SULF1: variants seen among roughly 807,000 people sequenced by gnomAD.
SULF1 encodes the protein sulfatase 1.
SULF1 carries 46 observed loss-of-function variants against 110.5 expected under a neutral mutation model. That is an observed-to-expected ratio of 0.42 (90% CI 0.33 to 0.53). The LOEUF (loss-of-function observed/expected upper bound fraction) is 0.53, where lower values mean the gene tolerates loss of function less well. Ranked by LOEUF, SULF1 falls within the 20% of genes least tolerant of loss-of-function variation. The pLI, the probability that SULF1 is intolerant of heterozygous loss-of-function variation, is 0.12. For missense variants in SULF1, 941 were observed against 1,094.2 expected, an observed-to-expected ratio of 0.86 and a Z score of 1.98; for synonymous variants, 371 against 387.1, an observed-to-expected ratio of 0.96 and a Z score of 0.49.
chr8:69,594,075 G>A (rs866685707), intron 8 of SULF1, among the ~76,000 whole-genome samples: 8 of 151,568 alleles, frequency 5.3e-5, no homozygotes, highest in South Asian at 2.1e-4. Flanking sequence ...TTTTGAGATG[G>A]AGTTTCACTC....
chr8:69,644,760 C>CAAAA (rs59189043), intron 22 of SULF1, among the ~76,000 whole-genome samples: 1 of 115,168 alleles, frequency 8.7e-6, no homozygotes, highest in African/African-American at 3.3e-5. Context: ...GACGCCGTCT[C>CAAAA]AAAAAAAAAA....
chr8:69,639,398 TAA>T (rs1036011596), intron 21 of SULF1, among the ~76,000 whole-genome samples: 13 of 152,206 alleles, frequency 8.5e-5, no homozygotes, highest in Non-Finnish European at 1.9e-4. Context: ...TCTAAAAATA[TAA>T]GAGGATCTGA....
chr8:69,640,744 T>C lies in SULF1; in HGVS notation c.2552-64T>C. ...TTTAGATGTTGTGCATGAAAAACTA[T>C]ATAGTGAATGGTTTTATAAGTTCTA... is the stretch of plus-strand genomic sequence containing the variant. On this transcript the variant is annotated intron_variant, in intron 21 of 22. Coordinates refer to ENST00000402687, the MANE Select transcript of SULF1 (RefSeq NM_001128205.2). 4.2e-6 allele frequency: 6 copies of C among 1,426,240 alleles called. No homozygotes were observed. In the South Asian group the frequency reaches 7.6e-5, roughly 18 times the overall value. The allele number at this position is 1,426,240 out of a possible 1,614,324, so 88.3% of individuals were successfully genotyped here.
At chr8:69,608,169 G>C (rs1400234961) in intron 13 of SULF1, among the ~76,000 whole-genome samples, 1 of 152,182 alleles carries the variant, frequency 6.6e-6, no homozygotes, top group Non-Finnish European at 1.5e-5. Context: ...TTCTAGTTGT[G>C]TCTTCTCAAA....
chr8:69,569,067 G>T (rs921111562), intron 5 of SULF1, among the ~76,000 whole-genome samples: 1 of 152,078 alleles, frequency 6.6e-6, no homozygotes, highest in South Asian at 2.1e-4. Context: ...ATGGCCTTTG[G>T]TGCTAGTCTG....
At chr8:69,611,270 A>C (rs1030930980) in intron 13 of SULF1, among the ~76,000 whole-genome samples, 6 of 152,240 alleles carry the variant, frequency 3.9e-5, no homozygotes, top group African/African-American at 7.2e-5. Context: ...GTTGTCAATC[A>C]TTGGCCAAGA....
rs578225312 is a variant in SULF1 at position 69,626,479 on chromosome 8, G to A, written c.1851-731G>A. Among the ~76,000 whole-genome samples, 12 of 152,386 alleles carry A rather than the reference G, an allele frequency of 7.9e-5. No homozygotes were observed. In the East Asian group the frequency reaches 2.3e-3, roughly 29 times the overall value. ...GCCGTCTGCCAGTCCCGCGCCATGC[G>A]CTCGCACTCCTCAGCCCTTGGGTGG... is the stretch of plus-strand genomic sequence containing the variant. On this transcript the variant is annotated intron_variant, in intron 15 of 22. Coordinates refer to ENST00000402687, the MANE Select transcript of SULF1 (RefSeq NM_001128205.2).
Position 69,518,062 on chromosome 8 carries a change from C to T in SULF1, c.-134+16094C>T, listed in dbSNP as rs569502193. Among the ~76,000 whole-genome samples the T allele has an allele frequency of 7.2e-5, 11 of 152,260 alleles. No homozygotes were observed. The South Asian group carries it at 2.1e-3, about 29-fold the overall frequency. ...GGATCTGTGAATTTATATTTTTTAA[C>T]ATATCTGCAAACTTTTAAGTCATTA... On this transcript the variant is annotated intron_variant, in intron 3 of 22. Coordinates refer to ENST00000402687, the MANE Select transcript of SULF1 (RefSeq NM_001128205.2).
In SULF1 at chr8:69,659,084, A is replaced by C. The variant is rs753695084; in HGVS notation, c.*549A>C. 2.1e-4 allele frequency: 98 copies of C among 456,856 alleles called. No homozygotes were observed. The highest frequency in any genetic ancestry group is 4.1e-4 in the Non-Finnish European group (94 of 227,038). The allele number at this position is 456,856 out of a possible 1,614,324, so 28.3% of individuals were successfully genotyped here. ...CCCAGGCTGCAGCCCATTCGCAGGC[A>C]CCCGAAAGAACTTCCCCAGTATGGT... On this transcript the variant is annotated 3_prime_UTR_variant, in exon 23 of 23. Transcript: ENST00000402687.
At chr8:69,585,839 A>G (rs1426273242) in intron 6 of SULF1, among the ~76,000 whole-genome samples, 1 of 152,230 alleles carries the variant, frequency 6.6e-6, no homozygotes, top group Non-Finnish European at 1.5e-5. Context: ...GGAGTTTACC[A>G]TGGTTCCCTG....
intron 19 of SULF1, among the ~76,000 whole-genome samples, chr8:69,632,020 C>T (rs1414401687): frequency 1.3e-5 from 2 of 152,200 alleles, no homozygotes; most frequent in Non-Finnish European, 2.9e-5. Flanking sequence ...GTATTCCTGA[C>T]CCAAAGGAAT....
At chr8:69,488,987 AG>A (rs1366640687), upstream of SULF1, among the ~76,000 whole-genome samples, 3 of 152,112 alleles carry the variant, frequency 2.0e-5, no homozygotes, top group African/African-American at 7.2e-5. Context: ...TGGTGGAGTG[AG>A]GCTGGCCCAG....
At chr8:69,640,505 A>G (rs1192145421) in intron 21 of SULF1, among the ~76,000 whole-genome samples, 1 of 152,154 alleles carries the variant, frequency 6.6e-6, no homozygotes, top group Non-Finnish European at 1.5e-5. Flanking sequence ...TTTTCCTGAG[A>G]ATTACATGGA....
chr8:69,554,509 A>G (rs1046022918), intron 3 of SULF1, among the ~76,000 whole-genome samples: 13 of 152,186 alleles, frequency 8.5e-5, no homozygotes, highest in African/African-American at 2.9e-4. Flanking sequence ...TTTATTAGCT[A>G]AAGTATTTCC....
chr8:69,595,708 G>A (rs12545167), intron 8 of SULF1, among the ~76,000 whole-genome samples: 42,745 of 151,976 alleles, frequency 0.28, 7,143 homozygotes, highest in African/African-American at 0.46. Flanking sequence ...GATCATTCGG[G>A]TTTTTTGTTT....
At chr8:69,604,627 T>C (rs1220775750) in intron 12 of SULF1, among the ~76,000 whole-genome samples, 176 bp from the exon 13 acceptor site, 1 of 152,112 alleles carries the variant, frequency 6.6e-6, no homozygotes, top group African/African-American at 2.4e-5. Flanking sequence ...CAGTTTGTCA[T>C]TTTCATAAAG....
At chr8:69,591,181 C>T (rs2130305658) in intron 8 of SULF1, among the ~76,000 whole-genome samples, 1 of 152,192 alleles carries the variant, frequency 6.6e-6, no homozygotes, top group African/African-American at 2.4e-5. Flanking sequence ...TTTATAAGAG[C>T]TCAGTTGCAT....
chr8:69,493,303 AT>A (rs1810063217), intron 1 of SULF1, among the ~76,000 whole-genome samples, 178 bp downstream of exon 1: 1 of 152,050 alleles, frequency 6.6e-6, no homozygotes, highest in African/African-American at 2.4e-5. Context: ...CCTTGTAATG[AT>A]AATAAGAGGG....
chr8:69,575,931 C>T (rs971263378), intron 5 of SULF1, 39 bp from the exon 6 acceptor site: 2 of 1,603,886 alleles, frequency 1.2e-6, no homozygotes, highest in Non-Finnish European at 8.5e-7. Flanking sequence ...CATTCATGTG[C>T]TGCACTTTGC....
Sources: gnomAD v4.1 joint callset for allele counts (sites outside exome capture counted in the v4.1 genomes callset) on GRCh38, gnomAD v4.1.1 for gene constraint, MANE v1.5 for transcripts, NCBI Gene and HGNC (gene_info 2026-07-23, HGNC 2026-07-21) for gene names.